ANKAR: variants seen among roughly 807,000 people sequenced by gnomAD.
ANKAR encodes ankyrin and armadillo repeat containing, also known as ankyrin and armadillo repeat-containing protein.
A neutral mutation model predicts 146.2 loss-of-function variants in ANKAR; 136 were observed. The observed-to-expected ratio is 0.93, with a 90% CI of 0.81 to 1.07. The LOEUF (loss-of-function observed/expected upper bound fraction) is 1.07, where lower values mean the gene tolerates loss of function less well. ANKAR is among the 50% of genes least tolerant of loss of function. The probability of loss-of-function intolerance (pLI) is 0.00; values close to 1 mark genes in which losing one functional copy is unlikely to be tolerated. For synonymous variants in ANKAR, 500 were observed against 575.8 expected, an observed-to-expected ratio of 0.87 and a Z score of 1.88; for missense variants, 1,567 against 1,679.9, an observed-to-expected ratio of 0.93 and a Z score of 1.18.
chr2:189,696,966 C>A (rs1051706671), intron 7 of ANKAR, among the ~76,000 whole-genome samples: 20 of 151,976 alleles, frequency 1.3e-4, no homozygotes, highest in African/African-American at 4.8e-4. Context: ...CTCATTTAAA[C>A]TTTAAAAGCT....
chr2:189,682,480 G>A (rs766768104), intron 2 of ANKAR, among the ~76,000 whole-genome samples: 3 of 152,182 alleles, frequency 2.0e-5, no homozygotes, highest in African/African-American at 4.8e-5. Context: ...GGAATCTCAC[G>A]GTGGCAGTAG....
intron 12 of ANKAR, among the ~76,000 whole-genome samples, chr2:189,726,688 T>C (rs1443761088): frequency 6.6e-6 from 1 of 152,080 alleles, no homozygotes; most frequent in Non-Finnish European, 1.5e-5. Flanking sequence ...AGAAAGTAAA[T>C]GTGATAAAGG....
At chr2:189,729,808 A>G (rs556832356) in intron 15 of ANKAR, among the ~76,000 whole-genome samples, 1 of 151,624 alleles carries the variant, frequency 6.6e-6, no homozygotes. Flanking sequence ...TTCATTGTTC[A>G]CTGAGAGGCT....
intron 18 of ANKAR, among the ~76,000 whole-genome samples, chr2:189,758,242 A>C (rs1176883401): frequency 6.6e-6 from 1 of 152,098 alleles, no homozygotes; most frequent in Non-Finnish European, 1.5e-5. Context: ...TTAGCTGGGC[A>C]TGGTGGCGCA....
intron 2 of ANKAR, among the ~76,000 whole-genome samples, chr2:189,680,223 G>A (rs1346516251): frequency 6.6e-6 from 1 of 151,962 alleles, no homozygotes; most frequent in African/African-American, 2.4e-5. Context: ...TTTCTAGTTT[G>A]TGCACATAAA....
At chr2:189,749,302 T>A (rs1344630357), downstream of ANKAR, among the ~76,000 whole-genome samples, 57 of 97,182 alleles carry the variant, frequency 5.9e-4, 1 homozygote, top group East Asian at 9.1e-3. Context: ...TTTTTTTTTT[T>A]AAACAATGTG....
chr2:189,695,324 TATAA>T (rs2037042546), intron 6 of ANKAR, among the ~76,000 whole-genome samples, 163 bp downstream of exon 6: 1 of 152,260 alleles, frequency 6.6e-6, no homozygotes, highest in South Asian at 2.1e-4. Flanking sequence ...AATTCTGGAT[TATAA>T]ATTTCTGGCA....
intron 20 of ANKAR, among the ~76,000 whole-genome samples, chr2:189,742,902 CCTGACACACACACACACACACACACACA>C (rs2043522905): frequency 4.5e-5 from 1 of 22,190 alleles, no homozygotes; most frequent in Non-Finnish European, 9.8e-5. Flanking sequence ...ACTAGAATTA[CCTGACACACACACACACACACACACACA>C]CACACACACA....
intron 1 of ANKAR, among the ~76,000 whole-genome samples, chr2:189,675,401 T>C (rs2033411544): frequency 6.6e-6 from 1 of 151,990 alleles, no homozygotes; most frequent in Non-Finnish European, 1.5e-5. Context: ...TTTGAAACAG[T>C]GTTTTTCACA....
chr2:189,713,577 T>C (rs2577633), intron 10 of ANKAR, among the ~76,000 whole-genome samples: 1 of 152,178 alleles, frequency 6.6e-6, no homozygotes, highest in African/African-American at 2.4e-5. Flanking sequence ...AGATTTTGTC[T>C]CCACCAGGCC....
chr2:189,742,902 CCTGACACA>C (rs2043519906), intron 20 of ANKAR, among the ~76,000 whole-genome samples: 4 of 22,226 alleles, frequency 1.8e-4, no homozygotes, highest in Non-Finnish European at 2.9e-4. Context: ...ACTAGAATTA[CCTGACACA>C]CACACACACA....
intron 19 of ANKAR, among the ~76,000 whole-genome samples, 192 bp downstream of exon 19, chr2:189,738,874 A>C (rs2043083064): frequency 6.6e-6 from 1 of 152,224 alleles, no homozygotes; most frequent in South Asian, 2.1e-4. Flanking sequence ...CTGTACCCCA[A>C]ACAGAAGCTG....
intron 21 of ANKAR, among the ~76,000 whole-genome samples, chr2:189,744,238 C>A (rs1214103459): frequency 6.6e-6 from 1 of 152,070 alleles, no homozygotes; most frequent in African/African-American, 2.4e-5. Flanking sequence ...ATCTTTGGAG[C>A]CACTTTAATT....
At chr2:189,758,305 C>T (rs1045679080) in intron 18 of ANKAR, among the ~76,000 whole-genome samples, 5 of 151,962 alleles carry the variant, frequency 3.3e-5, no homozygotes, top group Admixed American at 6.6e-5. Context: ...CGCTTGAACC[C>T]GGGAGGCGGA....
Position 189,691,202 on chromosome 2 carries a change from C to T in ANKAR, c.1040-1053C>T, listed in dbSNP as rs141725804. Among the ~76,000 whole-genome samples the T allele has an allele frequency of 4.4e-3, 665 of 152,128 alleles. 15 individuals are homozygous for T. The highest frequency in any genetic ancestry group is 0.042 in the East Asian group (217 of 5,160). ...TCCCAAGTAGCTGGGATTACAGCCA[C>T]CTGCCACCATGCCCAGCTAATTTTT... On this transcript the variant is annotated intron_variant, in intron 3 of 22. Coordinates refer to ENST00000684021, the MANE Select transcript of ANKAR (RefSeq NM_001378068.1).
At chr2:189,710,998 A>C in intron 9 of ANKAR, 51 bp from the exon 10 acceptor site, 1 of 1,492,352 alleles carries the variant, frequency 6.7e-7, no homozygotes, top group Non-Finnish European at 9.3e-7. Flanking sequence ...CAAGCATTTC[A>C]TTGCCTTTTG....
At chr2:189,731,481 C>G (rs1218226523) in intron 16 of ANKAR, among the ~76,000 whole-genome samples, 1 of 148,376 alleles carries the variant, frequency 6.7e-6, no homozygotes, top group East Asian at 2.0e-4. Context: ...TCAAGTGATT[C>G]TCCTGCCTCG....
chr2:189,744,659 A>C, intron 21 of ANKAR, 83 bp from the exon 22 acceptor site: 2 of 954,960 alleles, frequency 2.1e-6, no homozygotes, highest in African/African-American at 1.6e-5. Flanking sequence ...TGGTACTGTA[A>C]GTCTTCATAT....
chr2:189,753,081 A>C, intron 18 of ANKAR: 1 of 1,144,786 alleles, frequency 8.7e-7, no homozygotes, highest in Non-Finnish European at 1.2e-6. Context: ...ATAATAAACT[A>C]TCCCATTTTG....
Sources: allele counts gnomAD v4.1 joint callset (sites outside exome capture counted in the v4.1 genomes callset), GRCh38; gene constraint gnomAD v4.1.1; transcripts MANE v1.5; gene names NCBI Gene and HGNC (gene_info 2026-07-23, HGNC 2026-07-21).